ANO1: variants seen among roughly 807,000 people sequenced by gnomAD.
ANO1 encodes the protein anoctamin-1.
In ANO1, 59 loss-of-function variants were observed where a neutral mutation model predicts 124.0. The observed-to-expected ratio is 0.48, with a 90% CI of 0.39 to 0.59. ANO1 has a LOEUF of 0.59. Ranked by LOEUF, ANO1 falls within the 20% of genes least tolerant of loss-of-function variation. The pLI, the probability that ANO1 is intolerant of heterozygous loss-of-function variation, is 0.00. For missense variants in ANO1, 1,059 were observed against 1,328.0 expected (o/e 0.80, Z 3.15); for synonymous variants, 529 against 532.0 (o/e 0.99, Z 0.08).
intron 1 of ANO1, among the ~76,000 whole-genome samples, chr11:70,020,488 A>G (rs1487495030): frequency 1.3e-5 from 2 of 152,158 alleles, no homozygotes; most frequent in Non-Finnish European, 2.9e-5. Flanking sequence ...CAGCCTTGGC[A>G]GGAGGAGGAA....
chr11:70,188,014 CG>C lies in ANO1; in HGVS notation c.*14del. The C allele has an allele frequency of 1.3e-6, 2 of 1,551,510 alleles. No individual in the cohort carries two copies. The highest frequency in any genetic ancestry group is 2.4e-5 in the South Asian group (2 of 84,336). On this transcript the variant is annotated 3_prime_UTR_variant, in exon 26 of 26. Transcript: ENST00000355303. The stretch of plus-strand genomic sequence containing the variant: ...CGGGGGCGTCCTGTAGCTATGCCAG[CG>C]GGGCTGGGCAGGCCAGCCGGGCATC...
chr11:70,107,490 C>CGGGGGGTG (rs1432604573), intron 5 of ANO1, among the ~76,000 whole-genome samples: 15 of 64,474 alleles, frequency 2.3e-4, no homozygotes, highest in Non-Finnish European at 4.1e-4. Context: ...CCAGTGGAGG[C>CGGGGGGTG]GGCGGGGCGG....
chr11:70,147,716 G>T, intron 11 of ANO1, among the ~76,000 whole-genome samples: 1 of 152,186 alleles, frequency 6.6e-6, no homozygotes, highest in East Asian at 1.9e-4. Flanking sequence ...GTCTTCTCCA[G>T]ACTCTGACTT....
chr11:69,985,939 C>G (rs1262789474), exon 1 of ANO1: 1 of 152,186 alleles, frequency 6.6e-6, no homozygotes, highest in Non-Finnish European at 1.5e-5. Context: ...GGCTACAGCA[C>G]GCGCGGCTTC....
rs183883403 is a variant in ANO1, at chr11:70,168,788, G to A, written c.2197+1401G>A. 2.3e-4 allele frequency among the ~76,000 whole-genome samples: 35 copies of A among 152,222 alleles called. No individual in the cohort carries two copies. In the South Asian group the frequency reaches 6.0e-3, roughly 26 times the overall value. On this transcript the variant is annotated intron_variant, in intron 21 of 25. Coordinates refer to ENST00000355303, the MANE Select transcript of ANO1 (RefSeq NM_018043.7). ...AAGGGCACCTTAGAGGGTGGGGAGC[G>A]TTTCTGTTTAATTTCACCACAAGTG...
chr11:70,063,380 G>T (rs1419320706), intron 1 of ANO1, among the ~76,000 whole-genome samples: 1 of 152,156 alleles, frequency 6.6e-6, no homozygotes, highest in Non-Finnish European at 1.5e-5. Flanking sequence ...CCTGACAGTG[G>T]TCTGGAGACC....
chr11:70,076,202 A>G (rs2044054234), upstream of ANO1, among the ~76,000 whole-genome samples: 1 of 152,252 alleles, frequency 6.6e-6, no homozygotes, highest in Non-Finnish European at 1.5e-5. Context: ...ACAGGCAAGC[A>G]GATGCCCTGA....
intron 22 of ANO1, among the ~76,000 whole-genome samples, chr11:70,172,780 T>C (rs1048002807): frequency 6.6e-6 from 1 of 152,034 alleles, no homozygotes; most frequent in Non-Finnish European, 1.5e-5. Flanking sequence ...GCAGGAGAAT[T>C]CCTTGATTCC....
chr11:70,041,398 A>G (rs782750836), intron 1 of ANO1, among the ~76,000 whole-genome samples: 2 of 152,188 alleles, frequency 1.3e-5, no homozygotes, highest in Non-Finnish European at 1.5e-5. Context: ...GGGGACATTT[A>G]TACATGGAAT....
At chr11:70,148,676 A>T (rs890246506) in intron 11 of ANO1, among the ~76,000 whole-genome samples, 1 of 152,148 alleles carries the variant, frequency 6.6e-6, no homozygotes, top group East Asian at 1.9e-4. Context: ...AGCGTTCAGG[A>T]TAAACAGTTC....
chr11:70,010,179 G>GTATGTGTGTGGTGTATATATATATATA (rs1188271051), intron 1 of ANO1, among the ~76,000 whole-genome samples: 1 of 83,776 alleles, frequency 1.2e-5, no homozygotes, highest in Non-Finnish European at 2.4e-5. Flanking sequence ...GTGTGTGTGT[G>GTATGTGTGTGGTGTATATATATATATA]TATATATATA....
At chr11:70,105,878 G>A in intron 5 of ANO1, 90 bp downstream of exon 5, 2 of 1,317,148 alleles carry the variant, frequency 1.5e-6, no homozygotes, top group Non-Finnish European at 2.2e-6. Flanking sequence ...ACTCCTCCCG[G>A]TGGAAGCCGG....
chr11:70,162,211 G>T (rs1360388181), intron 18 of ANO1, among the ~76,000 whole-genome samples: 3 of 151,072 alleles, frequency 2.0e-5, no homozygotes, highest in African/African-American at 7.3e-5. Flanking sequence ...ACCCCGGGCA[G>T]TGGGGACCCC....
intron 25 of ANO1, among the ~76,000 whole-genome samples, chr11:70,186,970 C>T (rs1565291910): frequency 6.6e-6 from 1 of 152,188 alleles, no homozygotes; most frequent in Non-Finnish European, 1.5e-5. Flanking sequence ...CCAAGGGAGC[C>T]CCGGAGCAGG....
At chr11:70,149,964 G>C in intron 12 of ANO1, 172 bp downstream of exon 12, 1 of 722,194 alleles carries the variant, frequency 1.4e-6, no homozygotes, top group Non-Finnish European at 2.5e-6. Context: ...TCAACACCCT[G>C]GCGTTCCGAA....
intron 1 of ANO1, among the ~76,000 whole-genome samples, chr11:70,081,469 T>C (rs1439839534): frequency 1.3e-5 from 2 of 152,208 alleles, no homozygotes; most frequent in East Asian, 3.8e-4. Flanking sequence ...TTAAAATTTT[T>C]TTAGAAGACA....
intron 1 of ANO1, among the ~76,000 whole-genome samples, chr11:70,015,444 T>C (rs1322622219): frequency 6.6e-6 from 1 of 152,018 alleles, no homozygotes; most frequent in Non-Finnish European, 1.5e-5. Context: ...TCGCAAGAAG[T>C]GTCACCCGGC....
intron 1 of ANO1, among the ~76,000 whole-genome samples, chr11:70,052,531 CTTTTTTTTTTTTTTTTTTTTTTTTTTT>C (rs200770702): frequency 1.5e-5 from 1 of 65,930 alleles, no homozygotes; most frequent in Non-Finnish European, 3.3e-5. Flanking sequence ...TTTTTCTTTT[CTTTTTTTTTTTTTTTTTTTTTTTTTTT>C]TTTTTTTTTT....
chr11:70,114,818 G>A (rs1007844129), intron 7 of ANO1, among the ~76,000 whole-genome samples: 1 of 152,178 alleles, frequency 6.6e-6, no homozygotes, highest in African/African-American at 2.4e-5. Context: ...AGAATTGCTT[G>A]AACTCGGGAG....
Sources: gnomAD v4.1 joint callset for allele counts (sites outside exome capture counted in the v4.1 genomes callset) on GRCh38, gnomAD v4.1.1 for gene constraint, MANE v1.5 for transcripts, NCBI Gene and HGNC (gene_info 2026-07-23, HGNC 2026-07-21) for gene names.